SLC5A10: variants seen among roughly 807,000 people sequenced by gnomAD.
The protein encoded by SLC5A10 is solute carrier family 5 member 10.
A neutral mutation model predicts 68.9 loss-of-function variants in SLC5A10; 55 were observed. The ratio of observed to expected loss-of-function variants is 0.80; its 90% confidence interval spans 0.64 to 1.00. SLC5A10 has a LOEUF of 1.00. Ranked by LOEUF, SLC5A10 falls within the 50% of genes least tolerant of loss-of-function variation. The pLI is 0.00. For synonymous variants in SLC5A10, 344 were observed against 344.8 expected (o/e 1.00, Z 0.02); for missense variants, 732 against 819.3 (o/e 0.89, Z 1.30).
In SLC5A10 at chr17:19,017,737, C is replaced by T. The variant is rs191613798; in HGVS notation, c.1242-1686C>T. On this transcript the variant is annotated intron_variant, in intron 11 of 14. Coordinates refer to ENST00000395645, the MANE Select transcript of SLC5A10 (RefSeq NM_001042450.4). This position sits in a 1 kb window ranked among gnomAD's most constrained non-coding sequence, Gnocchi z 5.6. ...CCTCCTGGAAACCCTGTGCAGGACT[C>T]GGAGAGATCTCAGACACCCCTCCTT... 2.4e-5 allele frequency: 6 copies of T among 245,710 alleles called. No individual in the cohort carries two copies. The highest frequency in any genetic ancestry group is 1.1e-4 in the East Asian group (1 of 9,304). The allele number at this position is 245,710 out of a possible 1,614,324, so 15.2% of individuals were successfully genotyped here. A position where few individuals can be genotyped will look rare whatever the true frequency, so the allele number is the denominator to read the frequency against.
intron 9 of SLC5A10, among the ~76,000 whole-genome samples, chr17:18,997,746 C>T (rs2043603233): frequency 6.6e-6 from 1 of 152,200 alleles, no homozygotes; most frequent in Non-Finnish European, 1.5e-5. Context: ...AGGGAGCTCA[C>T]CACTTCCACC....
intron 9 of SLC5A10, among the ~76,000 whole-genome samples, chr17:18,984,064 C>T (rs1290715702): frequency 3.9e-5 from 6 of 152,184 alleles, no homozygotes; most frequent in East Asian, 1.9e-4. Flanking sequence ...CTGCCTTGGC[C>T]GGGCGCGGTG....
chr17:18,960,217 G>A (rs1240028410), intron 4 of SLC5A10, among the ~76,000 whole-genome samples: 1 of 152,136 alleles, frequency 6.6e-6, no homozygotes, highest in Non-Finnish European at 1.5e-5. Context: ...CCTCATCATA[G>A]TGCACCTGGA....
intron 9 of SLC5A10, chr17:18,978,492 G>A: frequency 6.2e-7 from 1 of 1,612,642 alleles, no homozygotes; most frequent in South Asian, 1.1e-5. Flanking sequence ...ATGGGTGGCA[G>A]CAGCTCGGGG....
chr17:18,990,726 A>G (rs1336126047), intron 9 of SLC5A10, among the ~76,000 whole-genome samples: 1 of 152,218 alleles, frequency 6.6e-6, no homozygotes, highest in Admixed American at 6.5e-5. Flanking sequence ...CATTGGGTTC[A>G]GTGCCTAGGG....
chr17:19,019,678 C>G (rs375985108), intron 12 of SLC5A10, 35 bp from the exon 13 acceptor site: 26 of 1,602,844 alleles, frequency 1.6e-5, no homozygotes, highest in South Asian at 6.6e-5. Flanking sequence ...GTCCTCCTCC[C>G]GTAGCCCCAC....
chr17:19,013,217 G>A (rs913355892), intron 9 of SLC5A10, 193 bp from the exon 10 acceptor site: 47 of 798,192 alleles, frequency 5.9e-5, no homozygotes, highest in Non-Finnish European at 8.6e-5. Flanking sequence ...GAGAACAGCA[G>A]GGAAAAGGAT....
intron 9 of SLC5A10, among the ~76,000 whole-genome samples, chr17:19,002,371 C>G (rs2043752580): frequency 6.6e-6 from 1 of 152,218 alleles, no homozygotes; most frequent in Non-Finnish European, 1.5e-5. Context: ...AAACTGGGGC[C>G]AGGGCCAGGG....
intron 9 of SLC5A10, among the ~76,000 whole-genome samples, chr17:18,994,068 A>G (rs1307190067): frequency 6.6e-6 from 1 of 152,208 alleles, no homozygotes; most frequent in African/African-American, 2.4e-5. Flanking sequence ...GCTGTAAGTG[A>G]CGCATCAGGG....
rs1312082433 is a variant in SLC5A10 at position 19,018,535 on chromosome 17, G to A, written c.1242-888G>A. 1 of 152,320 alleles carries A rather than the reference G, an allele frequency of 6.6e-6. No homozygotes were observed. The highest frequency in any genetic ancestry group is 2.1e-4 in the South Asian group (1 of 4,838). The allele number at this position is 152,320 out of a possible 1,614,324, so 9.4% of individuals were successfully genotyped here. A position where few individuals can be genotyped will look rare whatever the true frequency, so the allele number is the denominator to read the frequency against. On this transcript the variant is annotated intron_variant, in intron 11 of 14. Coordinates refer to ENST00000395645, the MANE Select transcript of SLC5A10 (RefSeq NM_001042450.4). The surrounding 1 kb of genome is among the most constrained non-coding windows in gnomAD (Gnocchi z 4.2). ...CAGGTCCCACTCATCGCCGAGTTGG[G>A]GATCCTAGGGTAGTGTCCTACGCAG...
intron 1 of SLC5A10, among the ~76,000 whole-genome samples, chr17:18,953,186 A>G (rs1365447616): frequency 2.2e-5 from 3 of 138,878 alleles, no homozygotes; most frequent in Non-Finnish European, 3.0e-5. Flanking sequence ...CCTGGGCTGG[A>G]GTGCAGTGGC....
In SLC5A10 at chr17:18,959,130, T is replaced by G; in HGVS notation, c.184-5T>G. The G allele has an allele frequency of 6.2e-7, 1 of 1,607,726 alleles. No homozygotes were observed. Among genetic ancestry groups the G allele is most frequent in the South Asian group, 1.1e-5 (1 of 90,958 alleles). On this transcript the variant is annotated splice_polypyrimidine_tract_variant and splice_region_variant and intron_variant, in intron 2 of 14. Coordinates refer to ENST00000395645, the MANE Select transcript of SLC5A10 (RefSeq NM_001042450.4). Reference sequence around the variant, plus strand: ...TGCTGATGCGTTTCCCTTTCTCTCCTCCAGATTGGAGCCTCCCTCTTCGCC... The same window carrying G: ...TGCTGATGCGTTTCCCTTTCTCTCCGCCAGATTGGAGCCTCCCTCTTCGCC...
rs375788048 is a variant in SLC5A10 at position 19,015,803 on chromosome 17, A to G, written c.1241+604A>G. On this transcript the variant is annotated intron_variant, in intron 11 of 14. Coordinates refer to ENST00000395645, the MANE Select transcript of SLC5A10 (RefSeq NM_001042450.4). ...GCTTGCCAGATTCTTCCCACAGCACATGTGGCCATTACAGGCCAAGAGACC... is the reference window on the plus strand; with the variant it reads ...GCTTGCCAGATTCTTCCCACAGCACGTGTGGCCATTACAGGCCAAGAGACC... Among the ~76,000 whole-genome samples the G allele has an allele frequency of 2.0e-4, 30 of 152,268 alleles. No homozygotes were observed. In the East Asian group the frequency reaches 2.7e-3, roughly 14 times the overall value.
In SLC5A10 at chr17:19,017,209, G is replaced by A. The variant is rs573041019; in HGVS notation, c.1241+2010G>A. Reference sequence around the variant, plus strand: ...TCTCTGGGCCCCAGTTCTCTCAGCTGCCAGCTGGATAGAGCAGAAAGGGCC... The same window carrying A: ...TCTCTGGGCCCCAGTTCTCTCAGCTACCAGCTGGATAGAGCAGAAAGGGCC... On this transcript the variant is annotated intron_variant, in intron 11 of 14. Coordinates refer to ENST00000395645, the MANE Select transcript of SLC5A10 (RefSeq NM_001042450.4). The surrounding 1 kb of genome is among the most constrained non-coding windows in gnomAD (Gnocchi z 5.6). 24 of 1,351,662 alleles carry A rather than the reference G, an allele frequency of 1.8e-5. No homozygotes were observed. Among genetic ancestry groups the A allele is most frequent in the Middle Eastern group, 1.8e-4 (1 of 5,548 alleles). The allele number at this position is 1,351,662 out of a possible 1,614,324, so 83.7% of individuals were successfully genotyped here.
chr17:18,991,174 C>G (rs2043413242), intron 9 of SLC5A10, among the ~76,000 whole-genome samples: 1 of 152,220 alleles, frequency 6.6e-6, no homozygotes, highest in Non-Finnish European at 1.5e-5. Context: ...ACTTGTGACA[C>G]CATGAGCTCA....
At position 19,021,229 on chromosome 17, in the gene SLC5A10, G is replaced by A. The variant is rs2044260896; in HGVS notation, c.*798G>A. The A allele has an allele frequency of 6.6e-6, 1 of 152,284 alleles. No individual in the cohort carries two copies. Among genetic ancestry groups the A allele is most frequent in the South Asian group, 2.1e-4 (1 of 4,832 alleles). The allele number at this position is 152,284 out of a possible 1,614,324, so 9.4% of individuals were successfully genotyped here. ...GCAGAACCTGGGCCTAAACAAACAAGAGCCAGGGCAGCCAGGGTCTCTGCG... is the reference window on the plus strand; with the variant it reads ...GCAGAACCTGGGCCTAAACAAACAAAAGCCAGGGCAGCCAGGGTCTCTGCG... On this transcript the variant is annotated 3_prime_UTR_variant, in exon 15 of 15. Coordinates refer to ENST00000395645, the MANE Select transcript of SLC5A10 (RefSeq NM_001042450.4). The surrounding 1 kb of genome is among the most constrained non-coding windows in gnomAD (Gnocchi z 4.1).
At position 18,968,758 on chromosome 17, in the gene SLC5A10, G is replaced by A. The variant is rs1254458709; in HGVS notation, c.454-294G>A. 7 of 409,268 alleles carry A rather than the reference G, an allele frequency of 1.7e-5. No homozygotes were observed. The highest frequency in any genetic ancestry group is 2.2e-5 in the Non-Finnish European group (5 of 227,500). 25.4% of individuals were successfully genotyped at this position (409,268 alleles called of 1,614,324 possible). ...ACAGGGCTCTGCCTTTTATCCCCTC[G>A]GGAAGGGGCCAGATTCAATAACAAC... On this transcript the variant is annotated intron_variant, in intron 5 of 14. Coordinates refer to ENST00000395645, the MANE Select transcript of SLC5A10 (RefSeq NM_001042450.4). The surrounding 1 kb of genome is among the most constrained non-coding windows in gnomAD (Gnocchi z 4.1).
At chr17:18,959,725 A>G (rs949029389) in intron 4 of SLC5A10, 62 bp downstream of exon 4, 3 of 1,501,598 alleles carry the variant, frequency 2.0e-6, no homozygotes, top group Non-Finnish European at 2.8e-6. Context: ...TGGTGGTAGT[A>G]ATGGGCAGGA....
intron 9 of SLC5A10, chr17:18,978,345 G>A: frequency 6.2e-7 from 1 of 1,602,584 alleles, no homozygotes; most frequent in South Asian, 1.1e-5. Context: ...ATCTGGCTGG[G>A]CTGGGGGTTC....
Sources: gnomAD v4.1 joint callset for allele counts (sites outside exome capture counted in the v4.1 genomes callset) on GRCh38, gnomAD v4.1.1 for gene constraint, Gnocchi (gnomAD v3.1) non-coding constraint, MANE v1.5 for transcripts, NCBI Gene and HGNC (gene_info 2026-07-23, HGNC 2026-07-21) for gene names.